Variants in DSTN observed in about 807,000 individuals in gnomAD.
DSTN encodes the protein destrin, actin depolymerizing factor.
DSTN carries 10 observed loss-of-function variants against 16.8 expected under a neutral mutation model. The ratio of observed to expected loss-of-function variants is 0.60; its 90% CI spans 0.37 to 1.01. The LOEUF is 1.01. DSTN is among the 50% of genes least tolerant of loss of function. The pLI is 0.01. For synonymous variants in DSTN, 57 were observed against 58.9 expected (o/e 0.97, Z 0.14); for missense variants, 141 against 196.7 (o/e 0.72, Z 1.69).
At position 17,582,077 on chromosome 20, in the gene DSTN, A is replaced by ATTTTT. The variant is rs35744527; in HGVS notation, c.3+11881_3+11885dup. On this transcript the variant is annotated intron_variant, in intron 1 of 3. Transcript: ENST00000246069. ...AAGTCCCTGTCTCTATGAAATATAC[A>ATTTTT]TTTTTTTTTTTTTTTTTTTGAGACT... Among the ~76,000 whole-genome samples, 31 of 126,728 alleles carry ATTTTT rather than the reference A, an allele frequency of 2.4e-4. 1 individual carries two copies. The highest frequency in any genetic ancestry group is 9.6e-4 in the African/African-American group (31 of 32,206). 83.1% of individuals were successfully genotyped at this position (126,728 alleles called of 152,430 possible).
At chr20:17,591,839 G>A (rs2035472617) in intron 1 of DSTN, 1 of 950,606 alleles carries the variant, frequency 1.1e-6, no homozygotes, top group African/African-American at 1.8e-5. Context: ...TGATTTTAGT[G>A]CTTTAAGATA....
chr20:17,605,969 G>A (rs560299526), intron 3 of DSTN, among the ~76,000 whole-genome samples: 28 of 152,204 alleles, frequency 1.8e-4, no homozygotes, highest in South Asian at 1.7e-3. Context: ...TTAGCCGGGC[G>A]TGGTGGCACA....
At chr20:17,580,408 C>A (rs936457531) in intron 1 of DSTN, among the ~76,000 whole-genome samples, 1 of 152,098 alleles carries the variant, frequency 6.6e-6, no homozygotes, top group African/African-American at 2.4e-5. Context: ...AAGACAAGAT[C>A]ATTTCAGCTG....
At chr20:17,576,131 T>C (rs1468993166) in intron 1 of DSTN, 2 of 152,238 alleles carry the variant, frequency 1.3e-5, no homozygotes, top group South Asian at 2.1e-4. Context: ...ATATTCATCA[T>C]TGAATCTGCT....
intron 1 of DSTN, among the ~76,000 whole-genome samples, chr20:17,592,521 T>C (rs1444886587): frequency 6.6e-6 from 1 of 152,158 alleles, no homozygotes; most frequent in Non-Finnish European, 1.5e-5. Context: ...AAGGATGTGG[T>C]AAGTAAACCA....
At chr20:17,576,264 G>A (rs1176705307) in intron 1 of DSTN, 1 of 152,388 alleles carries the variant, frequency 6.6e-6, no homozygotes, top group Non-Finnish European at 1.5e-5. Flanking sequence ...GCTTTGTTAT[G>A]TTTTACGTAG....
chr20:17,605,336 C>G (rs1172362653), intron 3 of DSTN: 1 of 346,158 alleles, frequency 2.9e-6, no homozygotes, highest in Non-Finnish European at 5.7e-6. Context: ...TTGATTCTCT[C>G]AGCTGTAGAA....
At chr20:17,580,357 C>T (rs2035328504) in intron 1 of DSTN, among the ~76,000 whole-genome samples, 1 of 152,142 alleles carries the variant, frequency 6.6e-6, no homozygotes, top group Non-Finnish European at 1.5e-5. Context: ...CAAGTTCTTT[C>T]CTCATGGAAG....
At chr20:17,579,210 A>G (rs551530708) in intron 1 of DSTN, among the ~76,000 whole-genome samples, 1 of 152,216 alleles carries the variant, frequency 6.6e-6, no homozygotes, top group African/African-American at 2.4e-5. Flanking sequence ...CAATTTCACC[A>G]TTCTTCCAAG....
intron 1 of DSTN, among the ~76,000 whole-genome samples, chr20:17,579,927 T>G (rs1171118080): frequency 6.6e-6 from 1 of 152,244 alleles, no homozygotes; most frequent in South Asian, 2.1e-4. Flanking sequence ...GATTCTTTCT[T>G]ATATCTGTTA....
At chr20:17,598,286 C>G (rs1002270526) in intron 1 of DSTN, among the ~76,000 whole-genome samples, 22 of 152,186 alleles carry the variant, frequency 1.4e-4, no homozygotes, top group Admixed American at 7.9e-4. Flanking sequence ...GCCAAAGCAG[C>G]TGTACCCTTT....
At chr20:17,604,408 G>A (rs1385265736) in intron 2 of DSTN, 147 bp from the exon 3 acceptor site, 1 of 704,658 alleles carries the variant, frequency 1.4e-6, no homozygotes, top group Non-Finnish European at 2.3e-6. Context: ...AGCTGCTGGG[G>A]AGGTAGAAAA....
chr20:17,577,231 C>G (rs1246450059), intron 1 of DSTN, among the ~76,000 whole-genome samples: 1 of 152,096 alleles, frequency 6.6e-6, no homozygotes, highest in Admixed American at 6.5e-5. Flanking sequence ...GGTACTTAAC[C>G]TGTAGTAATA....
rs1478827692 is a variant in DSTN, at chr20:17,607,403, A to G, written c.*257A>G. 5.5e-6 allele frequency: 2 copies of G among 361,392 alleles called. No individual in the cohort carries two copies. Among genetic ancestry groups the G allele is most frequent in the African/African-American group, 2.1e-5 (1 of 47,746 alleles). 22.4% of individuals were successfully genotyped at this position (361,392 alleles called of 1,614,324 possible). Reference sequence around the variant, plus strand: ...ATTTATAAAGATTTTTGTTAAGCTCAGGATTTTAAATTACACAGTTCACAA... The same window carrying G: ...ATTTATAAAGATTTTTGTTAAGCTCGGGATTTTAAATTACACAGTTCACAA... On this transcript the variant is annotated 3_prime_UTR_variant, in exon 4 of 4. Coordinates refer to ENST00000246069, the MANE Select transcript of DSTN (RefSeq NM_006870.4).
chr20:17,586,050 C>G (rs1373378346), intron 1 of DSTN, among the ~76,000 whole-genome samples: 1 of 152,008 alleles, frequency 6.6e-6, no homozygotes, highest in African/African-American at 2.4e-5. Flanking sequence ...GCTGAGAAAA[C>G]AGGTCGCCCG....
At chr20:17,583,571 A>G (rs2035369638) in intron 1 of DSTN, among the ~76,000 whole-genome samples, 1 of 151,686 alleles carries the variant, frequency 6.6e-6, no homozygotes, top group African/African-American at 2.4e-5. Flanking sequence ...AAATATGCTA[A>G]GTGAAAGAAA....
intron 1 of DSTN, among the ~76,000 whole-genome samples, chr20:17,600,204 G>A (rs1456319998): frequency 6.6e-6 from 1 of 152,084 alleles, no homozygotes; most frequent in Non-Finnish European, 1.5e-5. Flanking sequence ...AATTTTAATG[G>A]CAAGTGTGAC....
Position 17,575,595 on chromosome 20 carries a change from GGGACTATA to G in DSTN, c.3+5385_3+5392del, listed in dbSNP as rs1169333240. ...CTCTACCTCAGCCTCCTGAGTAGCT[GGGACTATA>G]TATAGGCAGGCACAACCACTCCCAG... On this transcript the variant is annotated intron_variant, in intron 1 of 3. Transcript: ENST00000246069. 2.0e-5 allele frequency among the ~76,000 whole-genome samples: 3 copies of G among 151,984 alleles called. No homozygotes were observed. The South Asian group carries it at 6.3e-4, about 32-fold the overall frequency.
rs1378818562 is a variant in DSTN, at chr20:17,573,665, C to T, written c.3+3454C>T. Among the ~76,000 whole-genome samples the T allele has an allele frequency of 2.0e-5, 3 of 152,080 alleles. No homozygotes were observed. In the East Asian group the frequency reaches 5.8e-4, roughly 29 times the overall value. ...CATTAACAGCTTGTTTCTACATTGC[C>T]TTTCACCACTTAATAAGAGACTTGA... On this transcript the variant is annotated intron_variant, in intron 1 of 3. Transcript: ENST00000246069.
Sources: allele counts gnomAD v4.1 joint callset (sites outside exome capture counted in the v4.1 genomes callset), GRCh38; gene constraint gnomAD v4.1.1; transcripts MANE v1.5; gene names NCBI Gene and HGNC (gene_info 2026-07-23, HGNC 2026-07-21).